Variants in LCORL observed in about 807,000 individuals in gnomAD.
The protein encoded by LCORL is ligand-dependent nuclear receptor corepressor-like protein.
Under a neutral mutation model 141.8 loss-of-function variants are expected in LCORL, and 41 were observed. The observed-to-expected ratio is 0.29, with a 90% CI of 0.23 to 0.38. LCORL has a LOEUF of 0.38. Among genes scored for constraint, LCORL ranks in the 10% least tolerant of loss-of-function variants. The pLI is 1.00. For synonymous variants in LCORL, 618 were observed against 694.1 expected, an observed-to-expected ratio of 0.89 and a Z score of 1.72; for missense variants, 1,759 against 2,035.0, an observed-to-expected ratio of 0.86 and a Z score of 2.61.
intron 1 of LCORL, among the ~76,000 whole-genome samples, chr4:18,005,397 CATG>C (rs1258482859): frequency 2.0e-5 from 3 of 152,150 alleles, no homozygotes; most frequent in Admixed American, 1.3e-4. Context: ...TTTCCAGGCA[CATG>C]ATGTAAGCTG....
chr4:17,947,895 T>C (rs1164170037), intron 4 of LCORL, among the ~76,000 whole-genome samples: 3 of 152,000 alleles, frequency 2.0e-5, no homozygotes, highest in African/African-American at 7.2e-5. Flanking sequence ...AGGGAAACTT[T>C]TATTTTTGCC....
chr4:17,849,519 C>G (rs1169543984), intron 7 of LCORL, among the ~76,000 whole-genome samples: 2 of 152,132 alleles, frequency 1.3e-5, no homozygotes, highest in Non-Finnish European at 2.9e-5. Flanking sequence ...ACCAAAAACC[C>G]ATCTGTAAAT....
At chr4:17,842,038 CT>C (rs778769179) in exon 8 of LCORL, 6 of 352,268 alleles carry the variant, frequency 1.7e-5, no homozygotes, top group Non-Finnish European at 1.6e-5. Context: ...ATACATTGAA[CT>C]AAAATTTGCC....
chr4:17,954,808 G>A (rs1300805805), intron 4 of LCORL, among the ~76,000 whole-genome samples: 1 of 152,184 alleles, frequency 6.6e-6, no homozygotes, highest in African/African-American at 2.4e-5. Context: ...TTGACCAACT[G>A]AGTCACGAGT....
chr4:17,886,788 A>G (rs924726510), intron 5 of LCORL, among the ~76,000 whole-genome samples: 12 of 152,110 alleles, frequency 7.9e-5, no homozygotes, highest in Admixed American at 7.9e-4. Context: ...TAGAAAAATA[A>G]TGTTATAAAA....
intron 1 of LCORL, among the ~76,000 whole-genome samples, chr4:17,995,907 A>T (rs1251467979): frequency 1.3e-5 from 2 of 152,122 alleles, no homozygotes; most frequent in African/African-American, 4.8e-5. Flanking sequence ...TATCTCTCTG[A>T]ATCACTGAGA....
chr4:17,952,076 C>T (rs1739813744), intron 4 of LCORL, among the ~76,000 whole-genome samples: 1 of 152,094 alleles, frequency 6.6e-6, no homozygotes, highest in Non-Finnish European at 1.5e-5. Context: ...TCTGTTACTT[C>T]CACATAAAAG....
chr4:17,982,478 G>A (rs895717573), intron 1 of LCORL, among the ~76,000 whole-genome samples: 18 of 150,598 alleles, frequency 1.2e-4, no homozygotes, highest in Non-Finnish European at 2.4e-4. Flanking sequence ...TCTGACTGGT[G>A]TGAGATGTTA....
chr4:17,882,214 T>C, intron 6 of LCORL: 1 of 984,646 alleles, frequency 1.0e-6, no homozygotes, highest in Non-Finnish European at 1.2e-6. Context: ...CACAAGCATT[T>C]GACAAGGTGC....
At chr4:17,928,063 A>G (rs757778920) in intron 4 of LCORL, among the ~76,000 whole-genome samples, 3 of 152,230 alleles carry the variant, frequency 2.0e-5, no homozygotes, top group Non-Finnish European at 4.4e-5. Flanking sequence ...ATACACCACG[A>G]ACAAGAAGGA....
chr4:17,960,638 T>C (rs957271599), intron 4 of LCORL, among the ~76,000 whole-genome samples: 1 of 152,104 alleles, frequency 6.6e-6, no homozygotes, highest in Non-Finnish European at 1.5e-5. Context: ...AAAATTATTG[T>C]TTTAAAGAGA....
chr4:17,843,655 G>T (rs1355735674), exon 8 of LCORL: 2 of 338,916 alleles, frequency 5.9e-6, no homozygotes, highest in East Asian at 4.7e-5. Context: ...AATCTGAGGT[G>T]GGCCTAGGAA....
At chr4:17,965,608 A>C (rs1234737298) in intron 2 of LCORL, among the ~76,000 whole-genome samples, 3 of 152,150 alleles carry the variant, frequency 2.0e-5, no homozygotes, top group Non-Finnish European at 4.4e-5. Flanking sequence ...ATATACTCTT[A>C]TAGTTAAAAT....
At chr4:17,867,013 G>C in intron 7 of LCORL, 1 of 984,588 alleles carries the variant, frequency 1.0e-6, no homozygotes, top group African/African-American at 1.7e-5. Flanking sequence ...GATAGAGAAA[G>C]CAGGTCTGGA....
At chr4:17,980,556 C>G (rs928191244) in intron 1 of LCORL, among the ~76,000 whole-genome samples, 3 of 152,230 alleles carry the variant, frequency 2.0e-5, no homozygotes, top group African/African-American at 7.2e-5. Flanking sequence ...AGCTTTTTAC[C>G]TCTGATTTTC....
At chr4:17,917,940 A>AAAAACAAAAC (rs139664926) in intron 4 of LCORL, among the ~76,000 whole-genome samples, 3,218 of 151,848 alleles carry the variant, frequency 0.021, 119 homozygotes, top group African/African-American at 0.074. Flanking sequence ...ACAGGTTAAC[A>AAAAACAAAAC]AAAACAAAAC....
chr4:17,955,272 G>A (rs1712366219), intron 4 of LCORL, among the ~76,000 whole-genome samples: 1 of 152,144 alleles, frequency 6.6e-6, no homozygotes, highest in Non-Finnish European at 1.5e-5. Flanking sequence ...AGAAATGACT[G>A]GCATTCCTTT....
intron 4 of LCORL, among the ~76,000 whole-genome samples, chr4:17,924,269 T>C (rs1034062264): frequency 2.6e-5 from 4 of 152,204 alleles, no homozygotes; most frequent in Non-Finnish European, 4.4e-5. Context: ...TGACTTCTTC[T>C]GTGGACACCA....
chr4:17,920,264 C>T (rs1671262828), intron 4 of LCORL, among the ~76,000 whole-genome samples: 1 of 152,156 alleles, frequency 6.6e-6, no homozygotes, highest in South Asian at 2.1e-4. Flanking sequence ...GGAAAACCAT[C>T]CAGGCCTCTG....
Sources: allele counts gnomAD v4.1 joint callset (sites outside exome capture counted in the v4.1 genomes callset), GRCh38; gene constraint gnomAD v4.1.1; transcripts MANE v1.5; gene names NCBI Gene and HGNC (gene_info 2026-07-23, HGNC 2026-07-21).